The following SPIDR variants were observed in gnomAD, a reference collection of about 807,000 sequenced individuals.
SPIDR encodes the protein DNA repair-scaffolding protein.
In SPIDR, 93 loss-of-function variants were observed where a neutral mutation model predicts 104.6. The ratio of observed to expected loss-of-function variants is 0.89; its 90% CI spans 0.75 to 1.06. The LOEUF (loss-of-function observed/expected upper bound fraction) is 1.06. Among genes scored for constraint, SPIDR ranks in the 50% least tolerant of loss-of-function variants. The pLI is 0.00. For missense variants in SPIDR, 1,154 were observed against 1,111.2 expected (o/e 1.04, Z -0.55); for synonymous variants, 431 against 416.9 (o/e 1.03, Z -0.41).
intron 5 of SPIDR, among the ~76,000 whole-genome samples, chr8:47,315,568 G>C (rs1257659706): frequency 4.6e-5 from 7 of 152,052 alleles, no homozygotes; most frequent in African/African-American, 1.7e-4. Flanking sequence ...AAGATAGAAA[G>C]GACCTATGTT....
chr8:47,368,137 GC>G (rs149225160), intron 5 of SPIDR, among the ~76,000 whole-genome samples: 1 of 151,958 alleles, frequency 6.6e-6, no homozygotes, highest in East Asian at 1.9e-4. Context: ...AAGGGACAAG[GC>G]AGCTCTCTGG....
intron 8 of SPIDR, chr8:47,511,965 T>C: frequency 2.5e-6 from 2 of 788,242 alleles, no homozygotes; most frequent in Non-Finnish European, 4.6e-6. Context: ...CTCTGGACAC[T>C]GAACTGGGGG....
intron 10 of SPIDR, among the ~76,000 whole-genome samples, chr8:47,607,698 A>T (rs964620187): frequency 6.6e-6 from 1 of 152,014 alleles, no homozygotes; most frequent in Non-Finnish European, 1.5e-5. Flanking sequence ...CACAAAGGCT[A>T]ATTCTAGTAG....
chr8:47,552,072 A>T (rs534168589), intron 8 of SPIDR, among the ~76,000 whole-genome samples: 1 of 152,190 alleles, frequency 6.6e-6, no homozygotes, highest in African/African-American at 2.4e-5. Context: ...CCCATGTAGT[A>T]GAGTGGTTTT....
intron 9 of SPIDR, 109 bp from the exon 10 acceptor site, chr8:47,598,837 G>T: frequency 1.5e-6 from 2 of 1,377,826 alleles, no homozygotes; most frequent in South Asian, 1.3e-5. Context: ...CAGATCCATT[G>T]GGTGGCTGCT....
At chr8:47,463,520 TCCCTG>T (rs1174059782) in intron 8 of SPIDR, among the ~76,000 whole-genome samples, 1 of 151,902 alleles carries the variant, frequency 6.6e-6, no homozygotes, top group Non-Finnish European at 1.5e-5. Context: ...CCTAACTCAT[TCCCTG>T]AGGCTAGCAT....
chr8:47,304,269 G>A (rs893071882), intron 5 of SPIDR, among the ~76,000 whole-genome samples: 4 of 152,138 alleles, frequency 2.6e-5, no homozygotes, highest in African/African-American at 7.2e-5. Context: ...CTGGTGGAAG[G>A]TGACTGGATT....
chr8:47,541,413 A>G (rs1366554529), intron 8 of SPIDR, among the ~76,000 whole-genome samples: 1 of 152,222 alleles, frequency 6.6e-6, no homozygotes, highest in Admixed American at 6.5e-5. Context: ...GAAGGGAAAT[A>G]CTTTTGAAAC....
At chr8:47,601,608 C>T (rs1450137116) in intron 10 of SPIDR, among the ~76,000 whole-genome samples, 3 of 152,168 alleles carry the variant, frequency 2.0e-5, no homozygotes, top group Non-Finnish European at 4.4e-5. Context: ...GCAGAAGAAT[C>T]GCTTAAACAG....
intron 6 of SPIDR, among the ~76,000 whole-genome samples, 163 bp from the exon 7 acceptor site, chr8:47,407,698 T>C (rs1412232670): frequency 5.3e-5 from 8 of 152,066 alleles, no homozygotes; most frequent in Non-Finnish European, 8.8e-5. Flanking sequence ...AACTGACTTA[T>C]GAGGATATGG....
intron 8 of SPIDR, among the ~76,000 whole-genome samples, chr8:47,441,127 C>T (rs547611250): frequency 1.4e-4 from 22 of 152,172 alleles, no homozygotes; most frequent in Admixed American, 3.3e-4. Context: ...TTAATTTTTT[C>T]GTAATTTTTT....
intron 14 of SPIDR, among the ~76,000 whole-genome samples, chr8:47,708,226 G>A (rs1243181920): frequency 6.6e-6 from 1 of 152,210 alleles, no homozygotes; most frequent in Non-Finnish European, 1.5e-5. Context: ...TTGAACCTGG[G>A]AGACAGAAGT....
At position 47,592,288 on chromosome 8, in the gene SPIDR, C is replaced by T. The variant is rs1484155788; in HGVS notation, c.1098-3523C>T. On this transcript the variant is annotated intron_variant, in intron 8 of 19. Coordinates refer to ENST00000297423, the MANE Select transcript of SPIDR (RefSeq NM_001080394.4). ...CACATAACAAGGCCTGGGTTGATAG[C>T]AGAACTGTGTGCGGATCTGCAGTGC... The T allele has an allele frequency of 5.2e-6, 6 of 1,143,020 alleles. No individual in the cohort carries two copies. The African/African-American group carries it at 7.6e-5, about 14-fold the overall frequency. 70.8% of individuals were successfully genotyped at this position (1,143,020 alleles called of 1,614,324 possible). A position where few individuals can be genotyped will look rare whatever the true frequency, so the allele number is the denominator to read the frequency against.
chr8:47,658,136 T>G (rs1041429716), intron 10 of SPIDR, among the ~76,000 whole-genome samples: 7 of 151,920 alleles, frequency 4.6e-5, no homozygotes, highest in African/African-American at 1.7e-4. Flanking sequence ...TACGACGTCT[T>G]GGCCGGGTGC....
chr8:47,576,575 A>C (rs1222963666), intron 8 of SPIDR, among the ~76,000 whole-genome samples: 1 of 152,108 alleles, frequency 6.6e-6, no homozygotes, highest in Non-Finnish European at 1.5e-5. Flanking sequence ...CTAGGATTAC[A>C]GGTGTGGGCC....
At chr8:47,497,441 T>C (rs2079622282) in intron 8 of SPIDR, among the ~76,000 whole-genome samples, 1 of 152,208 alleles carries the variant, frequency 6.6e-6, no homozygotes, top group Admixed American at 6.5e-5. Context: ...CTAATGTCCC[T>C]GTGATTGCTT....
At chr8:47,444,408 A>C (rs1252131505) in intron 8 of SPIDR, among the ~76,000 whole-genome samples, 1 of 152,228 alleles carries the variant, frequency 6.6e-6, no homozygotes, top group African/African-American at 2.4e-5. Flanking sequence ...CCCCTGTGCC[A>C]GATACTTTGC....
chr8:47,601,423 C>T (rs925436639), intron 10 of SPIDR, among the ~76,000 whole-genome samples: 2 of 152,092 alleles, frequency 1.3e-5, no homozygotes, highest in African/African-American at 2.4e-5. Flanking sequence ...AGGCTAGGCG[C>T]GGTGGCTCAT....
rs1409981296 is a variant in SPIDR, at chr8:47,567,223, A to AT, written c.1098-28587dup. ...TTTGGAGGATAAACTATATATATAT[A>AT]TATATTTTTTTTCTTTTTTTAGTTT... On this transcript the variant is annotated intron_variant, in intron 8 of 19. Coordinates refer to ENST00000297423, the MANE Select transcript of SPIDR (RefSeq NM_001080394.4). Among the ~76,000 whole-genome samples, 524 of 147,668 alleles carry AT rather than the reference A, an allele frequency of 3.5e-3. 1 individual carries two copies. Among genetic ancestry groups the AT allele is most frequent in the African/African-American group, 0.011 (451 of 40,002 alleles).
Sources: allele counts gnomAD v4.1 joint callset (sites outside exome capture counted in the v4.1 genomes callset), GRCh38; gene constraint gnomAD v4.1.1; transcripts MANE v1.5; gene names NCBI Gene and HGNC (gene_info 2026-07-23, HGNC 2026-07-21).